Variants in FSIP2 observed in about 807,000 individuals in gnomAD.
The protein encoded by FSIP2 is fibrous sheath interacting protein 2.
In FSIP2, 367 loss-of-function variants were observed where a neutral mutation model predicts 510.5. The ratio of observed to expected loss-of-function variants is 0.72; its 90% CI spans 0.66 to 0.78. The LOEUF is 0.78. Ranked by LOEUF, FSIP2 falls within the 30% of genes least tolerant of loss-of-function variation. The probability of loss-of-function intolerance (pLI) is 0.00; values close to 1 mark genes in which losing one functional copy is unlikely to be tolerated. For synonymous variants in FSIP2, 2,601 were observed against 2,732.2 expected, an observed-to-expected ratio of 0.95 and a Z score of 1.50; for missense variants, 7,594 against 7,901.7, an observed-to-expected ratio of 0.96 and a Z score of 1.48.
intron 13 of FSIP2, among the ~76,000 whole-genome samples, chr2:185,767,176 G>A (rs1255925458): frequency 6.7e-6 from 1 of 148,362 alleles, no homozygotes; most frequent in African/African-American, 2.5e-5. Flanking sequence ...TGTGGGGTGG[G>A]GGCAGGGGGG....
upstream of FSIP2, chr2:185,738,550 G>A (rs1574147740): frequency 1.4e-6 from 2 of 1,479,000 alleles, no homozygotes; most frequent in Non-Finnish European, 1.8e-6. Flanking sequence ...GAAGCCAGGG[G>A]AAATTAACCA....
chr2:185,826,006 G>A (rs966093619), intron 20 of FSIP2, among the ~76,000 whole-genome samples: 2 of 151,732 alleles, frequency 1.3e-5, no homozygotes, highest in Admixed American at 6.6e-5. Flanking sequence ...TAAGATACAC[G>A]AATACTTACC....
intron 2 of FSIP2, 88 bp downstream of exon 2, chr2:185,739,559 G>A: frequency 4.2e-6 from 5 of 1,182,852 alleles, no homozygotes; most frequent in Non-Finnish European, 5.5e-6. Flanking sequence ...ATTCATTAAA[G>A]GAATTTGCAT....
intron 13 of FSIP2, among the ~76,000 whole-genome samples, chr2:185,768,745 C>G (rs1692547206): frequency 6.6e-6 from 1 of 152,026 alleles, no homozygotes; most frequent in East Asian, 1.9e-4. Context: ...AAGCCTAATA[C>G]TAGTACTCAA....
chr2:185,784,425 T>A (rs1273723508), intron 14 of FSIP2, among the ~76,000 whole-genome samples: 3 of 152,064 alleles, frequency 2.0e-5, no homozygotes, highest in African/African-American at 7.2e-5. Context: ...ACACAATGAA[T>A]AACTTTGACA....
At chr2:185,765,362 G>C (rs1424731425) in intron 13 of FSIP2, 1 of 152,058 alleles carries the variant, frequency 6.6e-6, no homozygotes. Context: ...TTCTACATAT[G>C]GCTAGCCAGT....
Position 185,800,311 on chromosome 2 carries a change from C to CA in FSIP2, c.11012dup (p.Asn3671LysfsTer2), listed in dbSNP as rs1249323537. 5 of 1,531,588 alleles carry CA rather than the reference C, an allele frequency of 3.3e-6. No individual in the cohort carries two copies. The highest frequency in any genetic ancestry group is 1.2e-5 in the South Asian group (1 of 83,354). 94.9% of individuals were successfully genotyped at this position (1,531,588 alleles called of 1,614,324 possible). ...TACTCAACAAATTGGTCAACTTTTT[C>CA]AAAAAAATAAGTTAAGTTATCTTGC... On this transcript the variant is annotated frameshift_variant, in exon 17 of 23. Transcript: ENST00000424728. LOFTEE classifies it high-confidence loss of function.
rs556876047 is a variant in FSIP2 at position 185,805,144 on chromosome 2, A to G, written c.15838A>G (p.Ile5280Val). 8 of 1,609,828 alleles carry G rather than the reference A, an allele frequency of 5.0e-6. No individual in the cohort carries two copies. Among genetic ancestry groups the G allele is most frequent in the South Asian group, 1.1e-5 (1 of 90,590 alleles). ...CTATTCAGCTACATTTTTGGAAGAC[A>G]TAATCATTGACCTTGTTCACAAATT... ...SLYSATFLED[I>V]IIDLVHKFCS... Residue 5280 changes from isoleucine (I) to valine (V), a missense_variant, in exon 17 of 23, where the codon ATA (isoleucine) becomes GTA (valine). Ile to Val is a conservative substitution (Grantham distance 29, BLOSUM62 3). Coordinates refer to ENST00000424728, the MANE Select transcript of FSIP2 (RefSeq NM_173651.4).
chr2:185,744,651 A>C (rs1411481858), intron 4 of FSIP2: 1 of 171,418 alleles, frequency 5.8e-6, no homozygotes, highest in Non-Finnish European at 1.2e-5. Context: ...GGCATAATTC[A>C]ATAACTAAAT....
chr2:185,807,475 A>G lies in FSIP2; in HGVS notation c.18169A>G (p.Thr6057Ala). 1.2e-6 allele frequency: 2 copies of G among 1,612,598 alleles called. No individual in the cohort carries two copies. Among genetic ancestry groups the G allele is most frequent in the Non-Finnish European group, 1.7e-6 (2 of 1,179,148 alleles). The change falls in exon 17 of 23, where the codon ACA (threonine) becomes GCA (alanine). Residue 6057 changes from threonine to alanine, a missense_variant. Coordinates refer to ENST00000424728, the MANE Select transcript of FSIP2 (RefSeq NM_173651.4). ...AATGAAGTTAGTAAGTGCAGTTGCA[A>G]CAGAGATCTCCCAAGATAAATATAT... Reference protein sequence around the residue: ...LQMKLVSAVATEISQDKYMTI... With the variant: ...LQMKLVSAVAAEISQDKYMTI...
Position 185,796,347 on chromosome 2 carries a change from G to C in FSIP2, c.9211G>C (p.Val3071Leu). ...AAACATACAGAATATCCTTCTACGG[G>C]TTCATTCATTCCATTCACAATTACT... is the stretch of plus-strand genomic sequence containing the variant. ...KENIQNILLR[V>L]HSFHSQLLTY... is the part of the protein sequence containing the mutation. The change falls in exon 16 of 23, where the codon GTT becomes CTT. Residue 3071 changes from valine to leucine, a missense_variant. Val to Leu is a conservative substitution (Grantham distance 32). Transcript: ENST00000424728. 1.3e-6 allele frequency: 2 copies of C among 1,533,884 alleles called. No individual in the cohort carries two copies. Among genetic ancestry groups the C allele is most frequent in the Non-Finnish European group, 8.7e-7 (1 of 1,145,350 alleles).
chr2:185,761,918 T>G, intron 10 of FSIP2, 54 bp from the exon 11 acceptor site: 1 of 944,218 alleles, frequency 1.1e-6, no homozygotes, highest in Non-Finnish European at 1.6e-6. Flanking sequence ...CAGAATCTTT[T>G]TTGGAAGTAC....
rs1398765380 is a variant in FSIP2 at position 185,808,055 on chromosome 2, A to G, written c.18749A>G (p.Glu6250Gly). ...CCTGTAGCTGATAATGCAACTATTG[A>G]AAACATAGTTAATTCTATTTATACC... ...TVPVADNATI[E>G]NIVNSIYTSV... Residue 6250 changes from glutamate (E) to glycine (G), a missense_variant, in exon 17 of 23, where the codon GAA becomes GGA. Coordinates refer to ENST00000424728, the MANE Select transcript of FSIP2 (RefSeq NM_173651.4). 2 of 1,610,856 alleles carry G rather than the reference A, an allele frequency of 1.2e-6. No homozygotes were observed. Among genetic ancestry groups the G allele is most frequent in the South Asian group, 2.2e-5 (2 of 90,470 alleles).
At chr2:185,787,663 T>A (rs1476875732) in intron 15 of FSIP2, among the ~76,000 whole-genome samples, 1 of 151,766 alleles carries the variant, frequency 6.6e-6, no homozygotes, top group African/African-American at 2.4e-5. Flanking sequence ...AAATAGAGGT[T>A]TATAGAATTC....
At chr2:185,762,998 A>G (rs1305788700) in intron 11 of FSIP2, among the ~76,000 whole-genome samples, 185 bp from the exon 12 acceptor site, 1 of 151,528 alleles carries the variant, frequency 6.6e-6, no homozygotes, top group Non-Finnish European at 1.5e-5. Flanking sequence ...TAGGCAGTAA[A>G]CATCAAAAAA....
intron 13 of FSIP2, among the ~76,000 whole-genome samples, chr2:185,769,921 CA>C (rs1692572498): frequency 1.3e-5 from 2 of 151,758 alleles, no homozygotes; most frequent in Admixed American, 1.3e-4. Flanking sequence ...CAGATGGTTG[CA>C]GGCCTATATA....
At chr2:185,779,908 G>C (rs1485803040) in intron 13 of FSIP2, among the ~76,000 whole-genome samples, 2 of 150,862 alleles carry the variant, frequency 1.3e-5, no homozygotes, top group Non-Finnish European at 3.0e-5. Context: ...CCAAGGGTAT[G>C]AGTAAGTTTC....
chr2:185,783,473 T>C (rs776144347), intron 14 of FSIP2, among the ~76,000 whole-genome samples: 2 of 152,046 alleles, frequency 1.3e-5, no homozygotes, highest in African/African-American at 2.4e-5. Context: ...AACCCCAAAT[T>C]CCTATGAAGA....
intron 13 of FSIP2, among the ~76,000 whole-genome samples, chr2:185,781,524 T>C (rs1692848800): frequency 6.6e-6 from 1 of 152,190 alleles, no homozygotes; most frequent in African/African-American, 2.4e-5. Flanking sequence ...TCTCCATCTT[T>C]TGGGGGGGCC....
Sources: gnomAD v4.1 joint callset for allele counts (sites outside exome capture counted in the v4.1 genomes callset) on GRCh38, gnomAD v4.1.1 for gene constraint, MANE v1.5 for transcripts, NCBI Gene and HGNC (gene_info 2026-07-23, HGNC 2026-07-21) for gene names.